Variants in FCHSD2 observed in about 807,000 individuals in gnomAD.
FCHSD2 encodes FCH and double SH3 domains 2.
Under a neutral mutation model 108.1 loss-of-function variants are expected in FCHSD2, and 38 were observed. That is an observed-to-expected ratio of 0.35 (90% CI 0.27 to 0.46). FCHSD2 has a LOEUF of 0.46. Ranked by LOEUF, FCHSD2 falls within the 20% of genes least tolerant of loss-of-function variation. The pLI is 1.00. For missense variants in FCHSD2, 751 were observed against 897.8 expected (o/e 0.84, Z 2.09); for synonymous variants, 279 against 314.7 (o/e 0.89, Z 1.20).
chr11:72,992,119 C>CAG (rs1216724785), intron 5 of FCHSD2, among the ~76,000 whole-genome samples: 4 of 152,134 alleles, frequency 2.6e-5, no homozygotes, highest in Non-Finnish European at 5.9e-5. Context: ...ACACCAATAA[C>CAG]AGACAAACAG....
chr11:73,035,719 T>C (rs1004760603), intron 3 of FCHSD2, among the ~76,000 whole-genome samples: 58 of 150,788 alleles, frequency 3.8e-4, no homozygotes, highest in African/African-American at 1.3e-3. Flanking sequence ...TTTATTTATT[T>C]ATTTATTTAT....
At chr11:73,050,034 C>T (rs1438849632) in intron 3 of FCHSD2, among the ~76,000 whole-genome samples, 7 of 152,138 alleles carry the variant, frequency 4.6e-5, no homozygotes. Context: ...AGTTGCCAGG[C>T]CTCTCTATAT....
chr11:72,937,466 A>G (rs117279208), intron 8 of FCHSD2, among the ~76,000 whole-genome samples: 2,438 of 152,338 alleles, frequency 0.016, 34 homozygotes, highest in Non-Finnish European at 0.026. Context: ...GGCCAATTTG[A>G]GTATTCCTTA....
At chr11:73,047,212 T>C (rs1000397987) in intron 3 of FCHSD2, among the ~76,000 whole-genome samples, 5 of 151,950 alleles carry the variant, frequency 3.3e-5, no homozygotes, top group Admixed American at 3.3e-4. Context: ...GTACCACCCA[T>C]ATTATTTGAA....
chr11:72,980,556 C>T (rs1215767818), intron 8 of FCHSD2, among the ~76,000 whole-genome samples: 1 of 151,718 alleles, frequency 6.6e-6, no homozygotes, highest in Non-Finnish European at 1.5e-5. Flanking sequence ...AATGCCAAGG[C>T]AATATTAAGC....
rs756263135 is a variant in FCHSD2, at chr11:72,984,225, T to G, written c.577-9A>C. ...GATCGCCGGGCTTTTAACTAAAACA[T>G]AGCAAAATAAAATAATCAGTGCAAA... On this transcript the variant is annotated splice_polypyrimidine_tract_variant and intron_variant, in intron 7 of 19. Transcript: ENST00000409418. 2.5e-6 allele frequency: 4 copies of G among 1,613,502 alleles called. No individual in the cohort carries two copies. The highest frequency in any genetic ancestry group is 2.2e-5 in the South Asian group (2 of 91,072).
intron 8 of FCHSD2, among the ~76,000 whole-genome samples, chr11:72,949,451 CAAAG>C (rs976680010): frequency 2.7e-5 from 4 of 149,488 alleles, no homozygotes; most frequent in African/African-American, 9.9e-5. Context: ...AACTCCATCT[CAAAG>C]AAAGAAAGAA....
rs74597570 is a variant in FCHSD2, at chr11:72,900,242, C to T, written c.924+2301G>A. ...ACTTCCCATCCCTCCCGCCCTTGACCCACACCCCATATACCTCAGCTATGG... is the reference window on the plus strand; with the variant it reads ...ACTTCCCATCCCTCCCGCCCTTGACTCACACCCCATATACCTCAGCTATGG... On this transcript the variant is annotated intron_variant, in intron 10 of 19. Transcript: ENST00000409418. 2.5e-4 allele frequency: 379 copies of T among 1,500,296 alleles called. 4 individuals are homozygous for T. The East Asian group carries it at 7.4e-3, about 29-fold the overall frequency. 92.9% of individuals were successfully genotyped at this position (1,500,296 alleles called of 1,614,324 possible). A position where few individuals can be genotyped will look rare whatever the true frequency, so the allele number is the denominator to read the frequency against.
chr11:73,023,708 T>C (rs1278407011), intron 3 of FCHSD2, among the ~76,000 whole-genome samples: 2 of 152,204 alleles, frequency 1.3e-5, no homozygotes, highest in African/African-American at 4.8e-5. Context: ...CAAAAAAACC[T>C]GAGCACAAAT....
intron 3 of FCHSD2, among the ~76,000 whole-genome samples, chr11:73,029,503 T>C (rs1333329671): frequency 6.6e-6 from 1 of 152,186 alleles, no homozygotes; most frequent in Non-Finnish European, 1.5e-5. Flanking sequence ...CAGGCAGCCA[T>C]GCATATGTTC....
chr11:72,990,399 T>C (rs1385364519), intron 5 of FCHSD2, among the ~76,000 whole-genome samples: 1 of 152,146 alleles, frequency 6.6e-6, no homozygotes, highest in African/African-American at 2.4e-5. Flanking sequence ...CAACAGAATA[T>C]ACATTCTTCT....
chr11:72,956,510 T>C (rs1319795935), intron 8 of FCHSD2, among the ~76,000 whole-genome samples: 1 of 152,228 alleles, frequency 6.6e-6, no homozygotes, highest in East Asian at 1.9e-4. Context: ...TAATCAACTT[T>C]GACTTATAAT....
At chr11:72,903,308 C>G (rs542063523) in intron 9 of FCHSD2, among the ~76,000 whole-genome samples, 1 of 152,228 alleles carries the variant, frequency 6.6e-6, no homozygotes, top group South Asian at 2.1e-4. Flanking sequence ...GCTCCGCCTC[C>G]CGGGTTCATG....
intron 2 of FCHSD2, among the ~76,000 whole-genome samples, chr11:73,121,009 G>A (rs1014198581): frequency 2.0e-5 from 3 of 152,092 alleles, no homozygotes; most frequent in Admixed American, 2.0e-4. Flanking sequence ...AAGAGGCAGA[G>A]AGCTACTAGT....
chr11:72,977,019 G>A (rs887573532), intron 8 of FCHSD2, among the ~76,000 whole-genome samples: 115 of 151,502 alleles, frequency 7.6e-4, no homozygotes, highest in African/African-American at 2.6e-3. Flanking sequence ...TCCACTTCCC[G>A]GTTCAAGCGA....
intron 3 of FCHSD2, among the ~76,000 whole-genome samples, chr11:73,070,526 C>T (rs1051965963): frequency 3.3e-5 from 5 of 152,192 alleles, no homozygotes; most frequent in East Asian, 1.9e-4. Flanking sequence ...CGGGTTCAAG[C>T]GATTCTCCTG....
At chr11:72,990,811 G>A (rs1857396573) in intron 5 of FCHSD2, among the ~76,000 whole-genome samples, 1 of 152,072 alleles carries the variant, frequency 6.6e-6, no homozygotes, top group Admixed American at 6.6e-5. Flanking sequence ...AGAGAAGCAA[G>A]AGCAAACACA....
At chr11:73,014,124 CTTTTTTTTTTTTT>C (rs947652108) in intron 4 of FCHSD2, among the ~76,000 whole-genome samples, 6 of 86,586 alleles carry the variant, frequency 6.9e-5, no homozygotes, top group Admixed American at 5.9e-4. Context: ...TGTGTGGTTT[CTTTTTTTTTTTTT>C]TTTTTTTTTT....
chr11:73,042,614 A>G (rs1858668302), intron 3 of FCHSD2, among the ~76,000 whole-genome samples: 1 of 152,204 alleles, frequency 6.6e-6, no homozygotes, highest in African/African-American at 2.4e-5. Context: ...GTATCTTGAT[A>G]GAGACTGCAT....
Sources: gnomAD v4.1 joint callset for allele counts (sites outside exome capture counted in the v4.1 genomes callset) on GRCh38, gnomAD v4.1.1 for gene constraint, MANE v1.5 for transcripts, NCBI Gene and HGNC (gene_info 2026-07-23, HGNC 2026-07-21) for gene names.